BRINP1: variants seen among roughly 807,000 people sequenced by gnomAD.
BRINP1 encodes BMP/retinoic acid-inducible neural-specific protein 1.
Under a neutral mutation model 72.9 loss-of-function variants are expected in BRINP1, and 17 were observed. That is an observed-to-expected ratio of 0.23 (90% CI 0.16 to 0.35). The LOEUF (loss-of-function observed/expected upper bound fraction) is 0.35, where lower values mean the gene tolerates loss of function less well. BRINP1 is among the 10% of genes least tolerant of loss of function. The pLI is 1.00. For synonymous variants in BRINP1, 418 were observed against 378.5 expected, an observed-to-expected ratio of 1.10 and a Z score of -1.21; for missense variants, 850 against 1,001.6, an observed-to-expected ratio of 0.85 and a Z score of 2.04.
intron 7 of BRINP1, among the ~76,000 whole-genome samples, chr9:119,179,372 G>C (rs1228512275): frequency 6.6e-6 from 1 of 152,178 alleles, no homozygotes; most frequent in Non-Finnish European, 1.5e-5. Flanking sequence ...GAAAGTAGGA[G>C]AAAGAAGGAA....
chr9:119,214,065 A>G lies in BRINP1; in HGVS notation c.776T>C (p.Leu259Pro). 6.2e-7 allele frequency: 1 copy of G among 1,614,194 alleles called. No individual in the cohort carries two copies. The highest frequency in any genetic ancestry group is 8.5e-7 in the Non-Finnish European group (1 of 1,180,030). ...YIMCNGEGEY[L>P]CQNSQCRCQC... The stretch of plus-strand genomic sequence containing the variant: ...GCAGCGACACTGGCTGTTCTGGCAC[A>G]GGTACTCCCCCTCCCCATTGCACAT... Residue 259 changes from leucine to proline, a missense_variant, in exon 6 of 8, where the codon CTG (leucine) becomes CCG (proline). Coordinates refer to ENST00000265922, the MANE Select transcript of BRINP1 (RefSeq NM_014618.3).
intron 1 of BRINP1, among the ~76,000 whole-genome samples, chr9:119,344,636 T>C (rs1285784669): frequency 6.6e-6 from 1 of 152,170 alleles, no homozygotes; most frequent in African/African-American, 2.4e-5. Context: ...TCCAAGATGC[T>C]CTAGTTAAAA....
intron 1 of BRINP1, among the ~76,000 whole-genome samples, chr9:119,342,749 C>T (rs1374921192): frequency 2.0e-5 from 3 of 152,186 alleles, no homozygotes; most frequent in African/African-American, 7.2e-5. Flanking sequence ...TTACTTTCAT[C>T]CCTGTTCTTA....
At chr9:119,324,327 C>A (rs928143918) in intron 1 of BRINP1, among the ~76,000 whole-genome samples, 3 of 152,210 alleles carry the variant, frequency 2.0e-5, no homozygotes, top group Admixed American at 6.5e-5. Context: ...AGAAGCCCTA[C>A]TGCACAGTGG....
chr9:119,214,262 C>T (rs1829957380), intron 5 of BRINP1, 107 bp from the exon 6 acceptor site: 1 of 811,228 alleles, frequency 1.2e-6, no homozygotes, highest in Non-Finnish European at 2.0e-6. Flanking sequence ...ACATTTCTCC[C>T]TGTGTATTGG....
At chr9:119,186,869 A>G (rs1164668586) in intron 7 of BRINP1, among the ~76,000 whole-genome samples, 2 of 152,040 alleles carry the variant, frequency 1.3e-5, no homozygotes, top group African/African-American at 2.4e-5. Flanking sequence ...GGTAGCTGTT[A>G]TGTCCCACCA....
rs527730851 is a variant in BRINP1 at position 119,246,562 on chromosome 9, C to G, written c.409+2398G>C. On this transcript the variant is annotated intron_variant, in intron 3 of 7. Coordinates refer to ENST00000265922, the MANE Select transcript of BRINP1 (RefSeq NM_014618.3). Reference sequence around the variant, plus strand: ...GAGTCAATATTCCTGAATAAAATCCCCTTTATATATACATCTATCCTATTA... The same window carrying G: ...GAGTCAATATTCCTGAATAAAATCCGCTTTATATATACATCTATCCTATTA... 6.6e-5 allele frequency among the ~76,000 whole-genome samples: 10 copies of G among 152,236 alleles called. No homozygotes were observed. In the South Asian group the frequency reaches 2.1e-3, roughly 32 times the overall value.
chr9:119,355,794 T>A (rs1831559089), intron 1 of BRINP1, among the ~76,000 whole-genome samples: 1 of 152,034 alleles, frequency 6.6e-6, no homozygotes, highest in African/African-American at 2.4e-5. Flanking sequence ...TGTGCTTTCC[T>A]AATATCATTC....
In BRINP1 at chr9:119,369,358, C is replaced by T; in HGVS notation, c.-353G>A. The T allele has an allele frequency of 2.5e-6, 1 of 398,168 alleles. No homozygotes were observed. The allele number at this position is 398,168 out of a possible 1,614,324, so 24.7% of individuals were successfully genotyped here. On this transcript the variant is annotated 5_prime_UTR_variant, in exon 1 of 8. Coordinates refer to ENST00000265922, the MANE Select transcript of BRINP1 (RefSeq NM_014618.3). ...GCTCTCTCCCTCTCTCGCGGGTTCG[C>T]TCGCCTGCGCTCTCCTCCTCCCCGC...
At chr9:119,246,101 A>C (rs991165713) in intron 3 of BRINP1, among the ~76,000 whole-genome samples, 1 of 152,238 alleles carries the variant, frequency 6.6e-6, no homozygotes, top group Non-Finnish European at 1.5e-5. Context: ...TGCAATATGC[A>C]TGAAGGACTA....
chr9:119,316,424 A>G (rs1163401151), intron 1 of BRINP1, among the ~76,000 whole-genome samples: 1 of 152,160 alleles, frequency 6.6e-6, no homozygotes, highest in Non-Finnish European at 1.5e-5. Flanking sequence ...ATAGCTTTAT[A>G]TCTGAAGATG....
At chr9:119,282,215 A>G (rs1450201204) in intron 2 of BRINP1, among the ~76,000 whole-genome samples, 1 of 152,188 alleles carries the variant, frequency 6.6e-6, no homozygotes, top group Non-Finnish European at 1.5e-5. Flanking sequence ...CCTGTGAATT[A>G]CTATGTGTAG....
At chr9:119,304,048 T>G (rs956531341) in intron 2 of BRINP1, among the ~76,000 whole-genome samples, 1 of 151,806 alleles carries the variant, frequency 6.6e-6, no homozygotes. Flanking sequence ...CCTGCCTAAT[T>G]TTTGTAATTT....
intron 2 of BRINP1, among the ~76,000 whole-genome samples, chr9:119,261,517 G>C (rs77498236): frequency 0.035 from 5,295 of 152,200 alleles, 298 homozygotes; most frequent in African/African-American, 0.12. Context: ...TACTCCCAAA[G>C]TCTGAATTTT....
chr9:119,172,052 C>T (rs1350883239), intron 7 of BRINP1, among the ~76,000 whole-genome samples: 2 of 139,844 alleles, frequency 1.4e-5, no homozygotes, highest in Admixed American at 1.4e-4. Context: ...AATTGACACC[C>T]TAACATCACA....
chr9:119,359,081 A>T (rs1170507909), intron 1 of BRINP1, among the ~76,000 whole-genome samples: 1 of 152,224 alleles, frequency 6.6e-6, no homozygotes, highest in East Asian at 1.9e-4. Flanking sequence ...TGGAAATCAT[A>T]AAAGGCAGTA....
At chr9:119,338,246 C>CTTT (rs11335944) in intron 1 of BRINP1, among the ~76,000 whole-genome samples, 1 of 142,724 alleles carries the variant, frequency 7.0e-6, no homozygotes, top group South Asian at 2.2e-4. Context: ...GTTTTTGTTT[C>CTTT]TTTTTTTTTT....
At chr9:119,185,383 T>TTGAC (rs1829606463) in intron 7 of BRINP1, among the ~76,000 whole-genome samples, 1 of 152,168 alleles carries the variant, frequency 6.6e-6, no homozygotes, top group Non-Finnish European at 1.5e-5. Context: ...ACAATCTTGA[T>TTGAC]TGACTAGATT....
chr9:119,248,181 A>G (rs1348492788), intron 3 of BRINP1, among the ~76,000 whole-genome samples: 1 of 152,226 alleles, frequency 6.6e-6, no homozygotes, highest in East Asian at 1.9e-4. Context: ...CCTAGTGGGC[A>G]TGGGCCATAC....
Sources: gnomAD v4.1 joint callset for allele counts (sites outside exome capture counted in the v4.1 genomes callset) on GRCh38, gnomAD v4.1.1 for gene constraint, MANE v1.5 for transcripts, NCBI Gene and HGNC (gene_info 2026-07-23, HGNC 2026-07-21) for gene names.